Variants in TRIM42 observed in about 807,000 individuals in gnomAD.
TRIM42 encodes the protein tripartite motif-containing protein 42.
A neutral mutation model predicts 64.9 loss-of-function variants in TRIM42; 59 were observed. The observed-to-expected ratio is 0.91, with a 90% CI of 0.74 to 1.13. The LOEUF (loss-of-function observed/expected upper bound fraction) is 1.13, where lower values mean the gene tolerates loss of function less well. TRIM42 is among the 50% of genes most tolerant of loss of function. The pLI is 0.00. For missense variants in TRIM42, 878 were observed against 929.5 expected (o/e 0.94, Z 0.72); for synonymous variants, 354 against 346.3 (o/e 1.02, Z -0.25).
At chr3:140,679,848 G>A (rs1191306481) in intron 1 of TRIM42, among the ~76,000 whole-genome samples, 1 of 152,030 alleles carries the variant, frequency 6.6e-6, no homozygotes, top group Admixed American at 6.6e-5. Flanking sequence ...GTCACCTGAG[G>A]ATCTTTTAAA....
chr3:140,690,094 A>G (rs1009238428), intron 3 of TRIM42, among the ~76,000 whole-genome samples: 3 of 152,200 alleles, frequency 2.0e-5, no homozygotes, highest in South Asian at 2.1e-4. Flanking sequence ...TCATCGATTC[A>G]TATTTTAGGA....
In TRIM42 at chr3:140,678,210, G is replaced by A. The variant is rs1331948930; in HGVS notation, c.-20G>A. 1.2e-6 allele frequency: 2 copies of A among 1,603,550 alleles called. No individual in the cohort carries two copies. Among genetic ancestry groups the A allele is most frequent in the African/African-American group, 2.7e-5 (2 of 74,734 alleles). On this transcript the variant is annotated 5_prime_UTR_variant, in exon 1 of 5. It adds an upstream start codon to the 5' untranslated region. Transcript: ENST00000286349. ...AGGCATCAAGAGTCCTGGGAGGCCG[G>A]TGGTAATCATGTAGGCACCATGGAA...
In TRIM42 at chr3:140,701,080, G is replaced by A. The variant is rs1045314652; in HGVS notation, c.*106G>A. The A allele has an allele frequency of 1.0e-6, 1 of 989,234 alleles. No homozygotes were observed. Among genetic ancestry groups the A allele is most frequent in the South Asian group, 1.8e-5 (1 of 55,892 alleles). 61.3% of individuals were successfully genotyped at this position (989,234 alleles called of 1,614,324 possible). On this transcript the variant is annotated 3_prime_UTR_variant, in exon 5 of 5. Transcript: ENST00000286349. The stretch of plus-strand genomic sequence containing the variant: ...CACCACATTCTTCAAGGAGGTTGTA[G>A]ACAAATGTTTCCATGACCTCTCAGC...
chr3:140,700,855 T>C (rs1446604645), intron 4 of TRIM42, 33 bp from the exon 5 acceptor site: 2 of 1,603,360 alleles, frequency 1.2e-6, no homozygotes, highest in Non-Finnish European at 1.7e-6. Flanking sequence ...CTGTTGTCTA[T>C]TGGGTGTCAT....
chr3:140,686,086 C>T (rs1330508087), intron 2 of TRIM42, among the ~76,000 whole-genome samples: 1 of 152,166 alleles, frequency 6.6e-6, no homozygotes, highest in African/African-American at 2.4e-5. Flanking sequence ...CTGGAGATGC[C>T]TTTTTCCTCT....
chr3:140,695,870 T>A (rs1025846196), intron 4 of TRIM42, among the ~76,000 whole-genome samples: 1 of 152,128 alleles, frequency 6.6e-6, no homozygotes, highest in Non-Finnish European at 1.5e-5. Context: ...ACCCACACAC[T>A]CACAGTGACT....
intron 4 of TRIM42, among the ~76,000 whole-genome samples, chr3:140,696,928 C>A (rs1276535549): frequency 1.3e-5 from 2 of 152,124 alleles, no homozygotes; most frequent in East Asian, 3.9e-4. Flanking sequence ...ATATTAGATA[C>A]ATATGAGTGA....
chr3:140,694,805 C>T (rs1364932391), intron 4 of TRIM42, among the ~76,000 whole-genome samples: 2 of 152,112 alleles, frequency 1.3e-5, no homozygotes, highest in Non-Finnish European at 2.9e-5. Context: ...GCCTCATGCC[C>T]CTTCCTGAAT....
Position 140,701,096 on chromosome 3 carries a change from A to G in TRIM42, c.*122A>G. 1 of 770,910 alleles carries G rather than the reference A, an allele frequency of 1.3e-6. No individual in the cohort carries two copies. Among genetic ancestry groups the G allele is most frequent in the South Asian group, 2.1e-5 (1 of 48,198 alleles). The allele number at this position is 770,910 out of a possible 1,614,324, so 47.8% of individuals were successfully genotyped here. Reference sequence around the variant, plus strand: ...GAGGTTGTAGACAAATGTTTCCATGACCTCTCAGCTTTCCAACAGGAATCT... The same window carrying G: ...GAGGTTGTAGACAAATGTTTCCATGGCCTCTCAGCTTTCCAACAGGAATCT... On this transcript the variant is annotated 3_prime_UTR_variant, in exon 5 of 5. Coordinates refer to ENST00000286349, the MANE Select transcript of TRIM42 (RefSeq NM_152616.5).
intron 1 of TRIM42, among the ~76,000 whole-genome samples, chr3:140,679,213 C>T (rs371147004): frequency 2.7e-4 from 41 of 152,262 alleles, no homozygotes; most frequent in African/African-American, 8.2e-4. Context: ...TTTGACCCTG[C>T]GGACCATATA....
chr3:140,690,858 G>A (rs1291295627), intron 3 of TRIM42, 110 bp from the exon 4 acceptor site: 12 of 810,588 alleles, frequency 1.5e-5, no homozygotes, highest in Non-Finnish European at 2.2e-5. Context: ...TACAGGGGAT[G>A]GGGTCAGCTT....
chr3:140,679,952 A>C (rs961802445), intron 1 of TRIM42, among the ~76,000 whole-genome samples: 2 of 139,842 alleles, frequency 1.4e-5, no homozygotes, highest in African/African-American at 2.6e-5. Context: ...CAACCCCCCC[A>C]CCCCGCTTCA....
intron 4 of TRIM42, among the ~76,000 whole-genome samples, chr3:140,693,020 T>A (rs1988762005): frequency 6.6e-6 from 1 of 152,188 alleles, no homozygotes; most frequent in Non-Finnish European, 1.5e-5. Context: ...AGAATAAAAT[T>A]CACATCTAAT....
chr3:140,683,163 C>A lies in TRIM42; in HGVS notation c.1039+4C>A. The A allele has an allele frequency of 6.2e-7, 1 of 1,613,388 alleles. No homozygotes were observed. Among genetic ancestry groups the A allele is most frequent in the Non-Finnish European group, 8.5e-7 (1 of 1,179,302 alleles). ...GCCATCGCCAAGTTCAAAGCAGGTCCTCCCCTTTTCCACTCCTTCAGCCTA... is the reference window on the plus strand; with the variant it reads ...GCCATCGCCAAGTTCAAAGCAGGTCATCCCCTTTTCCACTCCTTCAGCCTA... On this transcript the variant is annotated splice_donor_region_variant and intron_variant, in intron 2 of 4. Transcript: ENST00000286349.
At chr3:140,681,010 A>G (rs1988380389) in intron 1 of TRIM42, among the ~76,000 whole-genome samples, 1 of 152,238 alleles carries the variant, frequency 6.6e-6, no homozygotes, top group South Asian at 2.1e-4. Flanking sequence ...ATAGCAGCAA[A>G]TTGTGTGCCT....
At chr3:140,682,355 A>AC (rs1988420637) in intron 1 of TRIM42, 107 bp from the exon 2 acceptor site, 4 of 1,108,066 alleles carry the variant, frequency 3.6e-6, no homozygotes, top group Non-Finnish European at 5.2e-6. Context: ...GCTCCTCACC[A>AC]CCACACTAGA....
intron 1 of TRIM42, 97 bp from the exon 2 acceptor site, chr3:140,682,365 A>G: frequency 8.2e-7 from 1 of 1,215,906 alleles, no homozygotes; most frequent in South Asian, 1.4e-5. Flanking sequence ...ACCACACTAG[A>G]CTGCCCCTCA....
Position 140,688,243 on chromosome 3 carries a change from A to T in TRIM42, c.1561A>T (p.Thr521Ser), listed in dbSNP as rs767115520. The T allele has an allele frequency of 6.8e-6, 11 of 1,614,046 alleles. No homozygotes were observed. In the East Asian group the frequency reaches 2.5e-4, roughly 36 times the overall value. ...AGAAACAATGATTGCCAGGAAGGTC[A>T]CTTTCAGCACCCACAGCCTCGGCAA... ...HSETMIARKV[T>S]FSTHSLGNQH... Residue 521 changes from threonine (T) to serine (S), a missense_variant, in exon 3 of 5, where the codon ACT becomes TCT. Transcript: ENST00000286349.
chr3:140,692,583 A>G (rs931834788), intron 4 of TRIM42, among the ~76,000 whole-genome samples: 4 of 151,776 alleles, frequency 2.6e-5, no homozygotes, highest in Non-Finnish European at 5.9e-5. Context: ...AGAGAGAGAG[A>G]GAGAGAGAGG....
Sources: gnomAD v4.1 joint callset for allele counts (sites outside exome capture counted in the v4.1 genomes callset) on GRCh38, gnomAD v4.1.1 for gene constraint, MANE v1.5 for transcripts, NCBI Gene and HGNC (gene_info 2026-07-23, HGNC 2026-07-21) for gene names.